Variants in CDH20 observed in about 807,000 individuals in gnomAD.
CDH20 encodes cadherin 20.
In CDH20, 29 loss-of-function variants were observed where a neutral mutation model predicts 74.2. The observed-to-expected ratio is 0.39, with a 90% CI of 0.29 to 0.53. CDH20 has a LOEUF of 0.53. CDH20 is among the 20% of genes least tolerant of loss of function. The probability of loss-of-function intolerance (pLI) is 0.69; values close to 1 mark genes in which losing one functional copy is unlikely to be tolerated. For missense variants in CDH20, 988 were observed against 1,048.3 expected, an observed-to-expected ratio of 0.94 and a Z score of 0.79; for synonymous variants, 469 against 405.4, an observed-to-expected ratio of 1.16 and a Z score of -1.88.
intron 1 of CDH20, among the ~76,000 whole-genome samples, chr18:61,370,968 T>C (rs1911019072): frequency 6.6e-6 from 1 of 152,114 alleles, no homozygotes. Context: ...ATGTAGCCCC[T>C]GAAATAGTTA....
At chr18:61,496,230 CT>C (rs139465784) in intron 2 of CDH20, among the ~76,000 whole-genome samples, 3,896 of 76,478 alleles carry the variant, frequency 0.051, 467 homozygotes, top group Non-Finnish European at 0.074. Context: ...CTCCCTTTCC[CT>C]TTCCCCCCTT....
intron 1 of CDH20, among the ~76,000 whole-genome samples, chr18:61,488,287 T>C (rs766017395): frequency 2.0e-5 from 3 of 152,154 alleles, no homozygotes. Context: ...ATCACAGATG[T>C]AGAGATCTGA....
At chr18:61,452,634 A>T (rs1909432506) in intron 1 of CDH20, among the ~76,000 whole-genome samples, 1 of 152,206 alleles carries the variant, frequency 6.6e-6, no homozygotes, top group Non-Finnish European at 1.5e-5. Flanking sequence ...TATGTTTTTT[A>T]TACCGTATAA....
At chr18:61,475,209 A>G (rs1882241212) in intron 1 of CDH20, among the ~76,000 whole-genome samples, 1 of 152,198 alleles carries the variant, frequency 6.6e-6, no homozygotes, top group Admixed American at 6.5e-5. Flanking sequence ...AATGGAGAGG[A>G]AAGACAGATC....
rs139351388 is a variant in CDH20, at chr18:61,554,398, C to A, written c.2109C>A (p.Pro703=). Residue 703 remains proline (P), a synonymous_variant, in exon 12 of 12, where the codon CCC becomes CCA. Transcript: ENST00000262717. ...CCAAGACGCGGCAGGACATGCTGCC[C>A]GAGATCGAGAGCCTCTCCCGCTACG... is the stretch of plus-strand genomic sequence containing the variant. The part of the protein sequence containing the change: ...AAPKTRQDML[P]EIESLSRYVP... 6.2e-7 allele frequency: 1 copy of A among 1,612,924 alleles called. No individual in the cohort carries two copies. The highest frequency in any genetic ancestry group is 2.2e-5 in the East Asian group (1 of 44,848).
At chr18:61,395,892 G>A (rs573186029) in intron 1 of CDH20, among the ~76,000 whole-genome samples, 9 of 152,250 alleles carry the variant, frequency 5.9e-5, no homozygotes, top group African/African-American at 2.2e-4. Flanking sequence ...AATTAGTTGG[G>A]CGTGGTGGCA....
At chr18:61,393,501 G>A (rs777828887) in intron 1 of CDH20, among the ~76,000 whole-genome samples, 1 of 152,200 alleles carries the variant, frequency 6.6e-6, no homozygotes, top group Non-Finnish European at 1.5e-5. Flanking sequence ...TGAAAAAGAA[G>A]ACTGCAGTGG....
intron 11 of CDH20, among the ~76,000 whole-genome samples, chr18:61,553,578 G>A (rs1252248663): frequency 3.3e-5 from 5 of 152,124 alleles, no homozygotes; most frequent in Admixed American, 6.5e-5. Context: ...GCTTCTCTGA[G>A]GAACCTGAGT....
chr18:61,528,626 T>G (rs1330609249), intron 7 of CDH20, among the ~76,000 whole-genome samples: 1 of 152,170 alleles, frequency 6.6e-6, no homozygotes, highest in African/African-American at 2.4e-5. Context: ...CTCTGAGTTG[T>G]AACCACCTAA....
chr18:61,432,263 A>C (rs1004616982), intron 1 of CDH20, among the ~76,000 whole-genome samples: 5 of 150,952 alleles, frequency 3.3e-5, no homozygotes, highest in East Asian at 3.9e-4. Context: ...AAAAAAAAAA[A>C]ACACAAAGAT....
chr18:61,432,261 A>AC (rs1913282975), intron 1 of CDH20, among the ~76,000 whole-genome samples: 1 of 151,354 alleles, frequency 6.6e-6, no homozygotes, highest in Admixed American at 6.6e-5. Flanking sequence ...AAAAAAAAAA[A>AC]AAACACAAAG....
intron 1 of CDH20, among the ~76,000 whole-genome samples, chr18:61,339,083 C>T (rs928325893): frequency 6.6e-6 from 1 of 151,898 alleles, no homozygotes. Context: ...TTGCCTGTGA[C>T]CGTTAGTAAT....
At chr18:61,403,806 G>T (rs1308442993) in intron 1 of CDH20, among the ~76,000 whole-genome samples, 1 of 152,072 alleles carries the variant, frequency 6.6e-6, no homozygotes, top group South Asian at 2.1e-4. Flanking sequence ...AGATACAAGC[G>T]CACGTATATT....
At chr18:61,389,960 C>T (rs1911720230) in intron 1 of CDH20, among the ~76,000 whole-genome samples, 1 of 152,184 alleles carries the variant, frequency 6.6e-6, no homozygotes, top group South Asian at 2.1e-4. Context: ...CAGTAACAGT[C>T]ATCTTAAAAA....
At chr18:61,458,815 T>G (rs1360751768) in intron 1 of CDH20, among the ~76,000 whole-genome samples, 1 of 152,242 alleles carries the variant, frequency 6.6e-6, no homozygotes, top group East Asian at 1.9e-4. Context: ...CTTCCAAATT[T>G]AAGTATATTT....
intron 1 of CDH20, among the ~76,000 whole-genome samples, chr18:61,486,701 T>TA (rs1910776539): frequency 1.3e-5 from 2 of 152,170 alleles, no homozygotes; most frequent in Non-Finnish European, 2.9e-5. Context: ...GTTTGGCTCT[T>TA]AAAACCATGA....
At chr18:61,371,990 G>C (rs745704759) in intron 1 of CDH20, among the ~76,000 whole-genome samples, 2 of 152,064 alleles carry the variant, frequency 1.3e-5, no homozygotes, top group Non-Finnish European at 2.9e-5. Context: ...CCCTGTGAGA[G>C]TTAAATTGCA....
chr18:61,507,700 A>C (rs1911624701), intron 6 of CDH20, 140 bp downstream of exon 6: 5 of 546,116 alleles, frequency 9.2e-6, no homozygotes, highest in Admixed American at 4.0e-5. Flanking sequence ...AAAAAAAAAA[A>C]CACACAGAAA....
chr18:61,546,445 T>C (rs1913252502), intron 10 of CDH20, among the ~76,000 whole-genome samples: 1 of 152,204 alleles, frequency 6.6e-6, no homozygotes, highest in East Asian at 1.9e-4. Context: ...ATATGAATTA[T>C]AAAGGCAGAA....
Sources: gnomAD v4.1 joint callset for allele counts (sites outside exome capture counted in the v4.1 genomes callset) on GRCh38, gnomAD v4.1.1 for gene constraint, MANE v1.5 for transcripts, NCBI Gene and HGNC (gene_info 2026-07-23, HGNC 2026-07-21) for gene names.